KIAA1217: variants seen among roughly 807,000 people sequenced by gnomAD.
KIAA1217 encodes the protein sickle tail protein homolog.
In KIAA1217, 88 loss-of-function variants were observed where a neutral mutation model predicts 163.9. The observed-to-expected ratio is 0.54, with a 90% CI of 0.45 to 0.64. The LOEUF is 0.64. KIAA1217 is among the 30% of genes least tolerant of loss of function. The pLI is 0.00. For missense variants in KIAA1217, 2,372 were observed against 2,475.0 expected (o/e 0.96, Z 0.88); for synonymous variants, 903 against 923.1 (o/e 0.98, Z 0.39).
At chr10:24,105,210 A>T (rs1361645043) in intron 2 of KIAA1217, among the ~76,000 whole-genome samples, 1 of 152,176 alleles carries the variant, frequency 6.6e-6, no homozygotes, top group Non-Finnish European at 1.5e-5. Context: ...AAAAAAAGTA[A>T]GGAGCAAGAG....
intron 2 of KIAA1217, among the ~76,000 whole-genome samples, chr10:24,257,871 C>T (rs2075326049): frequency 1.3e-5 from 2 of 152,120 alleles, no homozygotes; most frequent in Non-Finnish European, 2.9e-5. Context: ...CCCCTAGGCC[C>T]CAGTGTTTTA....
intron 8 of KIAA1217, among the ~76,000 whole-genome samples, chr10:24,500,755 A>C (rs1407073091): frequency 1.3e-5 from 2 of 152,170 alleles, no homozygotes; most frequent in Non-Finnish European, 2.9e-5. Context: ...TCTCTATTAT[A>C]AAATTGCAGA....
At chr10:24,296,704 A>G (rs1339288527) in intron 2 of KIAA1217, among the ~76,000 whole-genome samples, 1 of 152,154 alleles carries the variant, frequency 6.6e-6, no homozygotes, top group African/African-American at 2.4e-5. Flanking sequence ...TGGATTTGTT[A>G]TTTCAGATCA....
At chr10:23,914,487 T>C (rs1388278617) in intron 1 of KIAA1217, among the ~76,000 whole-genome samples, 1 of 152,054 alleles carries the variant, frequency 6.6e-6, no homozygotes, top group Non-Finnish European at 1.5e-5. Context: ...CTAATTTTTT[T>C]AATTTTTGTA....
intron 1 of KIAA1217, among the ~76,000 whole-genome samples, chr10:24,211,551 TATTGTATTG>T (rs1564836087): frequency 3.8e-4 from 23 of 59,792 alleles, no homozygotes; most frequent in South Asian, 1.7e-3. Flanking sequence ...TATTGTATTG[TATTGTATTG>T]TATTGTATTG....
At chr10:24,441,428 A>T (rs947497346) in intron 5 of KIAA1217, among the ~76,000 whole-genome samples, 2 of 152,196 alleles carry the variant, frequency 1.3e-5, no homozygotes, top group African/African-American at 4.8e-5. Flanking sequence ...CCTTTGAAAG[A>T]AAAGAAAATG....
intron 1 of KIAA1217, among the ~76,000 whole-genome samples, chr10:23,712,054 C>T (rs181853159): frequency 9.1e-4 from 138 of 152,242 alleles, no homozygotes; most frequent in Non-Finnish European, 1.6e-3. Context: ...TCATGTGAGA[C>T]ATTCTCAATG....
intron 2 of KIAA1217, among the ~76,000 whole-genome samples, chr10:24,168,031 T>C (rs2065439669): frequency 2.0e-5 from 3 of 152,156 alleles, no homozygotes; most frequent in Admixed American, 6.5e-5. Flanking sequence ...AGTTTTGCAC[T>C]GGGGGTTAGG....
chr10:23,979,968 T>C (rs2131410220), intron 1 of KIAA1217, among the ~76,000 whole-genome samples: 1 of 152,324 alleles, frequency 6.6e-6, no homozygotes, highest in South Asian at 2.1e-4. Flanking sequence ...ATTTTATTTT[T>C]CAAAAAGTAT....
intron 2 of KIAA1217, among the ~76,000 whole-genome samples, chr10:24,373,703 G>T (rs1354850316): frequency 6.6e-6 from 1 of 152,170 alleles, no homozygotes; most frequent in Admixed American, 6.5e-5. Context: ...CTGCACAGAG[G>T]TGTCCTTGTC....
intron 2 of KIAA1217, among the ~76,000 whole-genome samples, chr10:24,129,064 G>T (rs2063563066): frequency 6.6e-6 from 1 of 152,136 alleles, no homozygotes; most frequent in Non-Finnish European, 1.5e-5. Flanking sequence ...GAAGTCATAT[G>T]GGATGAAGTA....
intron 1 of KIAA1217, among the ~76,000 whole-genome samples, chr10:23,860,337 A>T (rs1267774012): frequency 1.3e-5 from 2 of 151,500 alleles, no homozygotes; most frequent in African/African-American, 2.4e-5. Context: ...TAACGTCATT[A>T]CTCCTTGCTT....
At chr10:24,387,506 C>G (rs2054173585) in intron 3 of KIAA1217, among the ~76,000 whole-genome samples, 1 of 152,138 alleles carries the variant, frequency 6.6e-6, no homozygotes, top group South Asian at 2.1e-4. Context: ...GACAGGGATG[C>G]CCTTTCTCAC....
chr10:24,418,808 T>G (rs1274551981), intron 3 of KIAA1217, among the ~76,000 whole-genome samples: 2 of 152,124 alleles, frequency 1.3e-5, no homozygotes, highest in African/African-American at 4.8e-5. Context: ...AACTGTTGCA[T>G]ATCCCTAAAA....
chr10:24,441,360 C>T (rs1474907786), intron 5 of KIAA1217, among the ~76,000 whole-genome samples: 1 of 152,180 alleles, frequency 6.6e-6, no homozygotes, highest in African/African-American at 2.4e-5. Flanking sequence ...ACAAAAGTCA[C>T]ACCAGAACTC....
intron 3 of KIAA1217, among the ~76,000 whole-genome samples, chr10:24,398,051 A>G (rs554511660): frequency 6.6e-6 from 1 of 152,168 alleles, no homozygotes; most frequent in Non-Finnish European, 1.5e-5. Flanking sequence ...CTGACTCCCC[A>G]TGCAGTTGGA....
chr10:24,178,718 A>G (rs1334421173), intron 2 of KIAA1217, among the ~76,000 whole-genome samples: 1 of 152,208 alleles, frequency 6.6e-6, no homozygotes, highest in Non-Finnish European at 1.5e-5. Context: ...CTCAGCACCC[A>G]TGGTCTTAGA....
intron 1 of KIAA1217, among the ~76,000 whole-genome samples, chr10:23,847,967 G>A (rs556280776): frequency 2.0e-5 from 3 of 151,940 alleles, no homozygotes; most frequent in Non-Finnish European, 4.4e-5. Flanking sequence ...CCTTCAGTTC[G>A]TTATGTACCC....
chr10:23,938,431 C>G (rs898660413), intron 1 of KIAA1217, among the ~76,000 whole-genome samples: 1 of 151,846 alleles, frequency 6.6e-6, no homozygotes, highest in Non-Finnish European at 1.5e-5. Flanking sequence ...GTATATACAC[C>G]GAGACCTCTA....
Sources: allele counts gnomAD v4.1 joint callset (sites outside exome capture counted in the v4.1 genomes callset), GRCh38; gene constraint gnomAD v4.1.1; transcripts MANE v1.5; gene names NCBI Gene and HGNC (gene_info 2026-07-23, HGNC 2026-07-21).